Variants in COX8C observed in about 807,000 individuals in gnomAD.
COX8C encodes the protein cytochrome c oxidase subunit 8C.
In COX8C, 3 loss-of-function variants were observed where a neutral mutation model predicts 3.5. The observed-to-expected ratio is 0.86, with a 90% confidence interval of 0.39 to 2.24. The LOEUF (loss-of-function observed/expected upper bound fraction) is 2.24, where lower values mean the gene tolerates loss of function less well. Ranked by LOEUF, COX8C falls within the 30% of genes most tolerant of loss-of-function variation. COX8C has a pLI of 0.05. For missense variants in COX8C, 113 were observed against 102.5 expected (o/e 1.10, Z -0.44); for synonymous variants, 46 against 44.1 (o/e 1.04, Z -0.17).
At chr14:93,347,886 A>C in intron 1 of COX8C, 142 bp from the exon 2 acceptor site, 1 of 577,572 alleles carries the variant, frequency 1.7e-6, no homozygotes, top group Non-Finnish European at 3.1e-6. Context: ...ATCGATTTTC[A>C]GCATTTTAGA....
chr14:93,348,088 C>T lies in COX8C; in HGVS notation c.187C>T (p.Leu63=). 1 of 1,610,344 alleles carries T rather than the reference C, an allele frequency of 6.2e-7. No homozygotes were observed. Among genetic ancestry groups the T allele is most frequent in the Non-Finnish European group, 8.5e-7 (1 of 1,176,550 alleles). The part of the protein sequence containing the change: ...TTFLTPAAYV[L]GNLKQFRRN ...CTTCTTAACACCAGCTGCATATGTG[C>T]TAGGCAACCTGAAGCAGTTCAGAAG... The change falls in exon 2 of 2, where the codon CTA becomes TTA. Residue 63 remains leucine (L), a synonymous_variant. Coordinates refer to ENST00000342144, the MANE Select transcript of COX8C (RefSeq NM_182971.3).
At position 93,348,164 on chromosome 14, in the gene COX8C, C is replaced by T. The variant is rs759582974; in HGVS notation, c.*44C>T. 4.9e-6 allele frequency: 6 copies of T among 1,231,452 alleles called. No homozygotes were observed. In the African/African-American group the frequency reaches 7.4e-5, roughly 15 times the overall value. The allele number at this position is 1,231,452 out of a possible 1,614,324, so 76.3% of individuals were successfully genotyped here. A position where few individuals can be genotyped will look rare whatever the true frequency, so the allele number is the denominator to read the frequency against. The stretch of plus-strand genomic sequence containing the variant: ...CAGCTGTTAACGTCCAAAAAACTTT[C>T]AGAAAAAGCTGTGTTTTTGTTAACG... On this transcript the variant is annotated 3_prime_UTR_variant, in exon 2 of 2. Transcript: ENST00000342144.
chr14:93,348,008 C>G lies in COX8C; in HGVS notation c.127-20C>G. 1 of 1,485,550 alleles carries G rather than the reference C, an allele frequency of 6.7e-7. No homozygotes were observed. The highest frequency in any genetic ancestry group is 1.4e-5 in the African/African-American group (1 of 72,428). The allele number at this position is 1,485,550 out of a possible 1,614,324, so 92.0% of individuals were successfully genotyped here. On this transcript the variant is annotated intron_variant, in intron 1 of 1. Coordinates refer to ENST00000342144, the MANE Select transcript of COX8C (RefSeq NM_182971.3). ...GCCTAGGAAGCCATACTCAGCAGCG[C>G]GTGTCATCTTCTCTTCCAGGAAATG...
rs2053865232 is a variant in COX8C, at chr14:93,347,262, A to C, written c.-7A>C. Reference sequence around the variant, plus strand: ...TCCACGCCTGGCTTTGTCTCACCTGACGCGATATGCCTCTCCTGCGTGGGC... The same window carrying C: ...TCCACGCCTGGCTTTGTCTCACCTGCCGCGATATGCCTCTCCTGCGTGGGC... On this transcript the variant is annotated 5_prime_UTR_variant, in exon 1 of 2. Transcript: ENST00000342144. 4 of 1,599,428 alleles carry C rather than the reference A, an allele frequency of 2.5e-6. No homozygotes were observed. In the African/African-American group the frequency reaches 5.4e-5, roughly 22 times the overall value.
chr14:93,348,085 G>T lies in COX8C; in HGVS notation c.184G>T (p.Val62Leu), dbSNP rs893750241. The T allele has an allele frequency of 2.5e-6, 4 of 1,612,012 alleles. No homozygotes were observed. The highest frequency in any genetic ancestry group is 3.4e-6 in the Non-Finnish European group (4 of 1,178,034). The change falls in exon 2 of 2, where the codon GTG (valine) becomes TTG (leucine). Residue 62 changes from valine to leucine, a missense_variant. Transcript: ENST00000342144. ...GACCTTCTTAACACCAGCTGCATAT[G>T]TGCTAGGCAACCTGAAGCAGTTCAG... ...FTTFLTPAAY[V>L]LGNLKQFRRN
At chr14:93,347,440 C>T (rs768777687) in intron 1 of COX8C, 46 bp downstream of exon 1, 2 of 1,412,358 alleles carry the variant, frequency 1.4e-6, no homozygotes, top group Admixed American at 3.1e-5. Flanking sequence ...GCGCGTGGCC[C>T]TGGCGGGGCG....
Position 93,347,365 on chromosome 14 carries a change from C to G in COX8C, c.97C>G (p.Pro33Ala). 6.4e-7 allele frequency: 1 copy of G among 1,570,246 alleles called. No homozygotes were observed. Among genetic ancestry groups the G allele is most frequent in the Non-Finnish European group, 8.6e-7 (1 of 1,164,216 alleles). Residue 33 changes from proline (P) to alanine (A), a missense_variant, in exon 1 of 2, where the codon CCC becomes GCC. Transcript: ENST00000342144. The part of the protein sequence containing the change: ...QPAPRFAHSG[P>A]PRQRPLSAAE... Reference sequence around the variant, plus strand: ...CGCTCCCCGCTTCGCCCACTCGGGGCCCCCGCGCCAGCGGCCCCTGTCTGC... The same window carrying G: ...CGCTCCCCGCTTCGCCCACTCGGGGGCCCCGCGCCAGCGGCCCCTGTCTGC...
In COX8C at chr14:93,347,248, C is replaced by T. The variant is rs1028408927; in HGVS notation, c.-21C>T. 6.3e-7 allele frequency: 1 copy of T among 1,589,026 alleles called. No individual in the cohort carries two copies. On this transcript the variant is annotated 5_prime_UTR_variant, in exon 1 of 2. Coordinates refer to ENST00000342144, the MANE Select transcript of COX8C (RefSeq NM_182971.3). ...CCTCACCTGTGCTGTCCACGCCTGGCTTTGTCTCACCTGACGCGATATGCC... is the reference window on the plus strand; with the variant it reads ...CCTCACCTGTGCTGTCCACGCCTGGTTTTGTCTCACCTGACGCGATATGCC...
rs374707354 is a variant in COX8C at position 93,347,224 on chromosome 14, C to G, written c.-45C>G. The G allele has an allele frequency of 6.5e-7, 1 of 1,545,468 alleles. No homozygotes were observed. The highest frequency in any genetic ancestry group is 8.7e-7 in the Non-Finnish European group (1 of 1,142,902). ...TGGAGCTTGCGTTACTTGGCCTCAC[C>G]TCACCTGTGCTGTCCACGCCTGGCT... On this transcript the variant is annotated 5_prime_UTR_variant, in exon 1 of 2. Transcript: ENST00000342144.
At position 93,348,019 on chromosome 14, in the gene COX8C, C is replaced by G. The variant is rs200469290; in HGVS notation, c.127-9C>G. ...CATACTCAGCAGCGCGTGTCATCTT[C>G]TCTTCCAGGAAATGGCTGTTGGACT... is the stretch of plus-strand genomic sequence containing the variant. On this transcript the variant is annotated splice_polypyrimidine_tract_variant and intron_variant, in intron 1 of 1. Transcript: ENST00000342144. 9.7e-5 allele frequency: 153 copies of G among 1,584,236 alleles called. No homozygotes were observed. In the African/African-American group the frequency reaches 1.9e-3, roughly 20 times the overall value.
chr14:93,347,243 C>T lies in COX8C; in HGVS notation c.-26C>T. On this transcript the variant is annotated 5_prime_UTR_variant, in exon 1 of 2. Transcript: ENST00000342144. ...CCTCACCTCACCTGTGCTGTCCACG[C>T]CTGGCTTTGTCTCACCTGACGCGAT... The T allele has an allele frequency of 6.3e-7, 1 of 1,584,972 alleles. No homozygotes were observed.
At chr14:93,347,984 C>T (rs2053900304) in intron 1 of COX8C, 44 bp from the exon 2 acceptor site, 5 of 1,191,710 alleles carry the variant, frequency 4.2e-6, no homozygotes, top group Non-Finnish European at 6.3e-6. Context: ...AAGTCACTGG[C>T]CTAGGAAGCC....
At chr14:93,347,929 C>T (rs2053898192) in intron 1 of COX8C, 99 bp from the exon 2 acceptor site, 1 of 731,104 alleles carries the variant, frequency 1.4e-6, no homozygotes, top group African/African-American at 1.7e-5. Flanking sequence ...GGACAACGGT[C>T]TAGGTGCTCA....
chr14:93,348,184 T>G lies in COX8C; in HGVS notation c.*64T>G. 1.0e-6 allele frequency: 1 copy of G among 987,604 alleles called. No individual in the cohort carries two copies. The highest frequency in any genetic ancestry group is 1.6e-6 in the Non-Finnish European group (1 of 614,952). The allele number at this position is 987,604 out of a possible 1,614,324, so 61.2% of individuals were successfully genotyped here. Reference sequence around the variant, plus strand: ...ACTTTCAGAAAAAGCTGTGTTTTTGTTAACGAGCAAAATTGCCTAGTTGAG... The same window carrying G: ...ACTTTCAGAAAAAGCTGTGTTTTTGGTAACGAGCAAAATTGCCTAGTTGAG... On this transcript the variant is annotated 3_prime_UTR_variant, in exon 2 of 2. Coordinates refer to ENST00000342144, the MANE Select transcript of COX8C (RefSeq NM_182971.3).
chr14:93,347,575 G>A (rs1167775538), intron 1 of COX8C, among the ~76,000 whole-genome samples, 181 bp downstream of exon 1: 1 of 152,246 alleles, frequency 6.6e-6, no homozygotes, highest in East Asian at 1.9e-4. Flanking sequence ...TCCTGGGAGA[G>A]GGTCGCGGTG....
Position 93,348,252 on chromosome 14 carries a change from T to A in COX8C, c.*132T>A, listed in dbSNP as rs1365661615. 3 of 627,058 alleles carry A rather than the reference T, an allele frequency of 4.8e-6. No homozygotes were observed. The highest frequency in any genetic ancestry group is 2.5e-4 in the Middle Eastern group (1 of 3,972). 38.8% of individuals were successfully genotyped at this position (627,058 alleles called of 1,614,324 possible). On this transcript the variant is annotated 3_prime_UTR_variant, in exon 2 of 2. Coordinates refer to ENST00000342144, the MANE Select transcript of COX8C (RefSeq NM_182971.3). ...GTATTCACTTTCCTCATGTTTATGA[T>A]GAATATTTTGCACTTTTTTAGTACT... is the stretch of plus-strand genomic sequence containing the variant.
intron 1 of COX8C, among the ~76,000 whole-genome samples, chr14:93,347,691 CGGGGCTGT>C (rs2053889264): frequency 6.6e-6 from 1 of 151,914 alleles, no homozygotes; most frequent in Non-Finnish European, 1.5e-5. Flanking sequence ...GGCTCGGGGG[CGGGGCTGT>C]GGTTTCGCGG....
In COX8C at chr14:93,347,235, T is replaced by C; in HGVS notation, c.-34T>C. 1 of 1,572,300 alleles carries C rather than the reference T, an allele frequency of 6.4e-7. No individual in the cohort carries two copies. Among genetic ancestry groups the C allele is most frequent in the South Asian group, 1.2e-5 (1 of 86,684 alleles). On this transcript the variant is annotated 5_prime_UTR_variant, in exon 1 of 2. Coordinates refer to ENST00000342144, the MANE Select transcript of COX8C (RefSeq NM_182971.3). ...TTACTTGGCCTCACCTCACCTGTGCTGTCCACGCCTGGCTTTGTCTCACCT... is the reference window on the plus strand; with the variant it reads ...TTACTTGGCCTCACCTCACCTGTGCCGTCCACGCCTGGCTTTGTCTCACCT...
intron 1 of COX8C, 30 bp downstream of exon 1, chr14:93,347,424 C>G: frequency 6.9e-7 from 1 of 1,450,196 alleles, no homozygotes; most frequent in Non-Finnish European, 9.0e-7. Context: ...TCATGGTGGG[C>G]GGGAAGCGCG....
Sources: gnomAD v4.1 joint callset for allele counts (sites outside exome capture counted in the v4.1 genomes callset) on GRCh38, gnomAD v4.1.1 for gene constraint, MANE v1.5 for transcripts, NCBI Gene and HGNC (gene_info 2026-07-23, HGNC 2026-07-21) for gene names.